The following SAMD11 variants were observed in gnomAD, a reference collection of about 807,000 sequenced individuals.
The protein encoded by SAMD11 is sterile alpha motif domain-containing protein 11.
In SAMD11, 77 loss-of-function variants were observed where a neutral mutation model predicts 64.4. The observed-to-expected ratio is 1.20, with a 90% CI of 0.99 to 1.44. The LOEUF is 1.44. SAMD11 is among the 40% of genes most tolerant of loss of function. The pLI, the probability that SAMD11 is intolerant of heterozygous loss-of-function variation, is 0.00. For synonymous variants in SAMD11, 658 were observed against 421.9 expected (o/e 1.56, Z -6.86); for missense variants, 1,402 against 943.3 (o/e 1.49, Z -6.37).
intron 1 of SAMD11, chr1:925,607 C>A (rs1430444464): frequency 1.5e-5 from 4 of 261,228 alleles, no homozygotes; most frequent in South Asian, 9.8e-5. Flanking sequence ...CGGGACTCAG[C>A]CTTTCTGGGC....
At position 944,078 on chromosome 1, in the gene SAMD11, A is replaced by C. The variant is rs1485806755; in HGVS notation, c.2460A>C (p.Gln820His). ...GAGGGGGCCACGCCCTTGCCGGTCA[A>C]ACTTCACCCAAGCAGGAGAATGGGA... ...PYGGGHALAG[Q>H]TSPKQENGTL... Residue 820 changes from glutamine (Q) to histidine (H), a missense_variant, in exon 14 of 14, where the codon CAA becomes CAC. Transcript: ENST00000616016. 6.2e-7 allele frequency: 1 copy of C among 1,612,506 alleles called. No homozygotes were observed. Among genetic ancestry groups the C allele is most frequent in the Non-Finnish European group, 8.5e-7 (1 of 1,179,874 alleles).
intron 8 of SAMD11, 126 bp from the exon 9 acceptor site, chr1:942,010 C>T: frequency 2.4e-6 from 1 of 409,870 alleles, no homozygotes. Flanking sequence ...CGACCTGGGG[C>T]CGTAACGAGC....
At chr1:926,489 G>A (rs893666154) in intron 2 of SAMD11, among the ~76,000 whole-genome samples, 4 of 152,212 alleles carry the variant, frequency 2.6e-5, no homozygotes, top group African/African-American at 9.6e-5. Flanking sequence ...GAAGGCCAGA[G>A]GGTGCAAGGG....
rs1641882450 is a variant in SAMD11 at position 942,936 on chromosome 1, G to A, written c.1931G>A (p.Cys644Tyr). 1 of 1,552,442 alleles carries A rather than the reference G, an allele frequency of 6.4e-7. No individual in the cohort carries two copies. Residue 644 changes from cysteine to tyrosine, a missense_variant, in exon 11 of 14, where the codon TGC becomes TAC. Transcript: ENST00000616016. ...GEDPETAAVG[C>Y]RGPTPGQAPA... ...GACCCCGAGACGGCAGCTGTTGGGT[G>A]CAGGGGGCCCACTCCGGGCCAAGCT...
intron 2 of SAMD11, 96 bp downstream of exon 2, chr1:926,109 T>C: frequency 8.2e-7 from 1 of 1,215,186 alleles, no homozygotes; most frequent in Non-Finnish European, 1.2e-6. Context: ...AGTCCTAACC[T>C]CACCCCTGCG....
chr1:942,420 C>T lies in SAMD11; in HGVS notation c.1485C>T (p.Phe495=). ...SALCQTPGYG[F]LPPAQAEMFA... is the part of the protein sequence containing the mutation. ...CCCCCTCCCCACCAGGCTACGGCTT[C>T]CTGCCCCCCGCGCAGGCGGAGATGT... The change falls in exon 10 of 14, where the codon TTC becomes TTT. Residue 495 remains phenylalanine (F), a synonymous_variant. Transcript: ENST00000616016. 4 of 1,482,520 alleles carry T rather than the reference C, an allele frequency of 2.7e-6. No individual in the cohort carries two copies. Among genetic ancestry groups the T allele is most frequent in the Non-Finnish European group, 2.7e-6 (3 of 1,122,468 alleles). 91.8% of individuals were successfully genotyped at this position (1,482,520 alleles called of 1,614,324 possible).
At chr1:928,481 C>T (rs572790917) in intron 2 of SAMD11, among the ~76,000 whole-genome samples, 2 of 152,374 alleles carry the variant, frequency 1.3e-5, no homozygotes, top group East Asian at 1.9e-4. Flanking sequence ...CAGAGCTAAG[C>T]GGGACTTCCC....
In SAMD11 at chr1:943,072, C is replaced by A; in HGVS notation, c.2053+14C>A. ...ACTTCCACACAGGTGGGCACCCCCA[C>A]ACTCTAGATCCTTCCAGAGGGCACA... On this transcript the variant is annotated intron_variant, in intron 11 of 13. Transcript: ENST00000616016. 2 of 1,534,322 alleles carry A rather than the reference C, an allele frequency of 1.3e-6. No individual in the cohort carries two copies. Among genetic ancestry groups the A allele is most frequent in the East Asian group, 4.6e-5 (2 of 43,432 alleles).
intron 12 of SAMD11, 88 bp from the exon 13 acceptor site, chr1:943,610 G>T: frequency 1.5e-6 from 2 of 1,351,326 alleles, no homozygotes; most frequent in South Asian, 1.7e-5. Context: ...AAATTTCCGT[G>T]AGCTGCACAA....
intron 2 of SAMD11, 94 bp downstream of exon 2, chr1:926,107 C>G: frequency 8.1e-7 from 1 of 1,227,880 alleles, no homozygotes; most frequent in Non-Finnish European, 1.2e-6. Flanking sequence ...AGAGTCCTAA[C>G]CTCACCCCTG....
At chr1:933,719 C>G (rs1641275988) in intron 4 of SAMD11, among the ~76,000 whole-genome samples, 1 of 148,718 alleles carries the variant, frequency 6.7e-6, no homozygotes. Flanking sequence ...CTTACTCCCA[C>G]CCAGCTGCCT....
intron 7 of SAMD11, among the ~76,000 whole-genome samples, chr1:940,167 C>A (rs1274377637): frequency 6.6e-6 from 1 of 152,182 alleles, no homozygotes; most frequent in East Asian, 1.9e-4. Context: ...AATAATTCAC[C>A]AAATGTTAAT....
At position 942,497 on chromosome 1, in the gene SAMD11, G is replaced by C. The variant is rs1342468681; in HGVS notation, c.1553+9G>C. The C allele has an allele frequency of 1.2e-5, 18 of 1,466,970 alleles. No individual in the cohort carries two copies. The East Asian group carries it at 3.6e-4, about 29-fold the overall frequency. 90.9% of individuals were successfully genotyped at this position (1,466,970 alleles called of 1,614,324 possible). On this transcript the variant is annotated intron_variant, in intron 10 of 13. Transcript: ENST00000616016. ...AAGCAGAACCTGGCCCGGTAGGTGC[G>C]GGGAGGCGGGCGGGGCCGCGCGGCC...
In SAMD11 at chr1:942,760, C is replaced by G. The variant is rs1430085975; in HGVS notation, c.1755C>G (p.Thr585=). Residue 585 remains threonine, a synonymous_variant, in exon 11 of 14, where the codon ACC becomes ACG. Coordinates refer to ENST00000616016, the MANE Select transcript of SAMD11 (RefSeq NM_001385641.1). ...PQGPPGSGPP[T]PSRDSARRAP... is the part of the protein sequence containing the mutation. The stretch of plus-strand genomic sequence containing the variant: ...GGCCCCCGGGCTCCGGACCCCCCAC[C>G]CCGTCCCGGGACTCTGCCCGGCGAG... The G allele has an allele frequency of 6.6e-7, 1 of 1,521,244 alleles. No individual in the cohort carries two copies. Among genetic ancestry groups the G allele is most frequent in the African/African-American group, 1.4e-5 (1 of 70,086 alleles). 94.2% of individuals were successfully genotyped at this position (1,521,244 alleles called of 1,614,324 possible). A position where few individuals can be genotyped will look rare whatever the true frequency, so the allele number is the denominator to read the frequency against.
In SAMD11 at chr1:943,771, G is replaced by A. The variant is rs1373974343; in HGVS notation, c.2252G>A (p.Gly751Glu). Residue 751 changes from glycine to glutamate, a missense_variant, in exon 13 of 14, where the codon GGG becomes GAG. Gly to Glu is a moderately conservative substitution (Grantham distance 98). Transcript: ENST00000616016. Reference sequence around the variant, plus strand: ...GAGGAGCACCTGCTGACCAACATGGGGCTGAAGCTGGGGCCCGCCCTCAAG... The same window carrying A: ...GAGGAGCACCTGCTGACCAACATGGAGCTGAAGCTGGGGCCCGCCCTCAAG... Reference protein sequence around the residue: ...LTEEHLLTNMGLKLGPALKIR... With the variant: ...LTEEHLLTNMELKLGPALKIR... 2 of 1,612,524 alleles carry A rather than the reference G, an allele frequency of 1.2e-6. No homozygotes were observed. Among genetic ancestry groups the A allele is most frequent in the Non-Finnish European group, 1.7e-6 (2 of 1,179,892 alleles).
intron 4 of SAMD11, among the ~76,000 whole-genome samples, chr1:933,684 C>T (rs774142730): frequency 3.9e-5 from 6 of 152,162 alleles, no homozygotes; most frequent in Admixed American, 2.6e-4. Context: ...GGATGAGTCT[C>T]GCTGCCGATT....
intron 7 of SAMD11, among the ~76,000 whole-genome samples, chr1:939,942 ACCCTGT>A (rs1641658568): frequency 6.6e-6 from 1 of 151,844 alleles, no homozygotes; most frequent in African/African-American, 2.4e-5. Flanking sequence ...GTCGGCCCTG[ACCCTGT>A]CCACCCCACC....
rs544847252 is a variant in SAMD11 at position 942,541 on chromosome 1, C to T, written c.1554-18C>T. The T allele has an allele frequency of 1.5e-4, 211 of 1,405,628 alleles. No homozygotes were observed. The African/African-American group carries it at 2.6e-3, about 17-fold the overall frequency. 87.1% of individuals were successfully genotyped at this position (1,405,628 alleles called of 1,614,324 possible). A position where few individuals can be genotyped will look rare whatever the true frequency, so the allele number is the denominator to read the frequency against. ...CGCGGCCCGGGAGGCGGCTGACCCG[C>T]GTCTGCCCCCGGCCCAGGCTGGAGC... On this transcript the variant is annotated intron_variant, in intron 10 of 13. Transcript: ENST00000616016.
chr1:926,007 C>T lies in SAMD11; in HGVS notation c.603C>T (p.Ser201=), dbSNP rs779952166. 2.5e-6 allele frequency: 4 copies of T among 1,611,598 alleles called. No homozygotes were observed. The highest frequency in any genetic ancestry group is 1.7e-6 in the Non-Finnish European group (2 of 1,179,878). ...ICDCPGCRIS[S]PVNRGRLADK... Reference sequence around the variant, plus strand: ...ACTGCCCGGGCTGCCGAATATCCTCCCCGGTGGTGAGATGCGGGGCTCGGT... The same window carrying T: ...ACTGCCCGGGCTGCCGAATATCCTCTCCGGTGGTGAGATGCGGGGCTCGGT... The change falls in exon 2 of 14, where the codon TCC becomes TCT. Residue 201 remains serine (S), a synonymous_variant. Coordinates refer to ENST00000616016, the MANE Select transcript of SAMD11 (RefSeq NM_001385641.1).
Sources: allele counts gnomAD v4.1 joint callset (sites outside exome capture counted in the v4.1 genomes callset), GRCh38; gene constraint gnomAD v4.1.1; transcripts MANE v1.5; gene names NCBI Gene and HGNC (gene_info 2026-07-23, HGNC 2026-07-21).